Variants in EPHA5 observed in about 807,000 individuals in gnomAD.
EPHA5 encodes ephrin type-A receptor 5.
EPHA5 carries 60 observed loss-of-function variants against 105.0 expected under a neutral mutation model. The observed-to-expected ratio is 0.57, with a 90% confidence interval of 0.46 to 0.71. The LOEUF (loss-of-function observed/expected upper bound fraction) is 0.71, where lower values mean the gene tolerates loss of function less well. EPHA5 is among the 30% of genes least tolerant of loss of function. The pLI is 0.00. For missense variants in EPHA5, 1,218 were observed against 1,274.7 expected (o/e 0.96, Z 0.68); for synonymous variants, 513 against 449.1 (o/e 1.14, Z -1.80).
At chr4:65,507,753 A>G (rs1733201518) in intron 3 of EPHA5, among the ~76,000 whole-genome samples, 1 of 152,130 alleles carries the variant, frequency 6.6e-6, no homozygotes, top group Non-Finnish European at 1.5e-5. Flanking sequence ...TATCAGCTTA[A>G]GGAGATTTTG....
At chr4:65,612,294 A>C (rs1290385655) in intron 2 of EPHA5, among the ~76,000 whole-genome samples, 1 of 152,086 alleles carries the variant, frequency 6.6e-6, no homozygotes, top group African/African-American at 2.4e-5. Flanking sequence ...ATTGTGGCCC[A>C]TTAAGTAATT....
At chr4:65,577,842 C>A (rs1385750893) in intron 3 of EPHA5, among the ~76,000 whole-genome samples, 2 of 152,118 alleles carry the variant, frequency 1.3e-5, no homozygotes, top group South Asian at 2.1e-4. Flanking sequence ...AACTAAGGTG[C>A]CTTTACAAAT....
At chr4:65,654,728 T>TAA (rs971601327) in intron 1 of EPHA5, among the ~76,000 whole-genome samples, 1 of 147,344 alleles carries the variant, frequency 6.8e-6, no homozygotes, top group Non-Finnish European at 1.5e-5. Context: ...TTTTTATATA[T>TAA]AACTATCTAA....
chr4:65,440,795 G>C (rs886984734), intron 5 of EPHA5, among the ~76,000 whole-genome samples: 1 of 151,956 alleles, frequency 6.6e-6, no homozygotes, highest in African/African-American at 2.4e-5. Context: ...AAGAGGAAAA[G>C]CCTTGTCTCC....
intron 3 of EPHA5, among the ~76,000 whole-genome samples, chr4:65,543,966 A>G (rs1737115186): frequency 6.6e-6 from 1 of 152,126 alleles, no homozygotes; most frequent in African/African-American, 2.4e-5. Flanking sequence ...AAACACAAGC[A>G]ATGGGGAAAG....
At chr4:65,349,266 A>G (rs1056192495) in intron 13 of EPHA5, among the ~76,000 whole-genome samples, 1 of 152,136 alleles carries the variant, frequency 6.6e-6, no homozygotes, top group Admixed American at 6.5e-5. Flanking sequence ...ACTAAACCAA[A>G]TTAAAAATTA....
At chr4:65,406,077 C>T (rs1342629371) in intron 7 of EPHA5, among the ~76,000 whole-genome samples, 3 of 152,080 alleles carry the variant, frequency 2.0e-5, no homozygotes, top group Non-Finnish European at 4.4e-5. Context: ...GTGTATTAAT[C>T]CATTCCCACT....
intron 5 of EPHA5, among the ~76,000 whole-genome samples, chr4:65,438,447 T>C (rs1049003305): frequency 1.1e-4 from 17 of 151,934 alleles, no homozygotes; most frequent in African/African-American, 4.1e-4. Flanking sequence ...TCCATATATA[T>C]ATACATTCAT....
intron 3 of EPHA5, among the ~76,000 whole-genome samples, chr4:65,582,701 AG>A (rs1209404761): frequency 6.6e-6 from 1 of 151,700 alleles, no homozygotes; most frequent in African/African-American, 2.4e-5. Flanking sequence ...ACTTACTTGC[AG>A]CTGTGTTGTG....
chr4:65,573,486 G>A (rs971927713), intron 3 of EPHA5: 1 of 1,551,872 alleles, frequency 6.4e-7, no homozygotes, highest in African/African-American at 1.4e-5. Flanking sequence ...TTAGAAGCCA[G>A]ATACTAAAGA....
intron 5 of EPHA5, among the ~76,000 whole-genome samples, chr4:65,463,351 A>G (rs533085298): frequency 2.0e-5 from 3 of 152,282 alleles, no homozygotes; most frequent in South Asian, 2.1e-4. Flanking sequence ...GGTTTCTATG[A>G]TATCAGTGAA....
At chr4:65,464,363 T>C (rs908769233) in intron 5 of EPHA5, among the ~76,000 whole-genome samples, 2 of 152,040 alleles carry the variant, frequency 1.3e-5, no homozygotes, top group African/African-American at 4.8e-5. Context: ...AAGAAGAAGA[T>C]ATGTGATACT....
intron 8 of EPHA5, among the ~76,000 whole-genome samples, chr4:65,388,425 G>T (rs1468782106): frequency 6.6e-6 from 1 of 151,066 alleles, no homozygotes; most frequent in Non-Finnish European, 1.5e-5. Context: ...CTAGTTTACA[G>T]TCCCACCAAC....
chr4:65,395,707 A>G (rs1255632448), intron 8 of EPHA5, among the ~76,000 whole-genome samples: 2 of 152,248 alleles, frequency 1.3e-5, no homozygotes, highest in Non-Finnish European at 2.9e-5. Context: ...CAGGTACATG[A>G]TTTGAACATG....
intron 5 of EPHA5, among the ~76,000 whole-genome samples, chr4:65,437,891 T>C (rs1725632721): frequency 6.6e-6 from 1 of 151,964 alleles, no homozygotes. Context: ...AATCATGAAT[T>C]TACATAGTTA....
chr4:65,362,176 TG>T (rs1235858767), intron 11 of EPHA5, among the ~76,000 whole-genome samples: 1 of 151,564 alleles, frequency 6.6e-6, no homozygotes, highest in African/African-American at 2.4e-5. Context: ...CTCAAGCTTC[TG>T]GCATGTGATA....
At chr4:65,568,534 A>T (rs958775984) in intron 3 of EPHA5, among the ~76,000 whole-genome samples, 1 of 151,142 alleles carries the variant, frequency 6.6e-6, no homozygotes, top group African/African-American at 2.4e-5. Context: ...AATTAACAAC[A>T]ACGCATCCCT....
chr4:65,623,428 C>T (rs1411682509), intron 2 of EPHA5, among the ~76,000 whole-genome samples: 1 of 151,922 alleles, frequency 6.6e-6, no homozygotes, highest in Admixed American at 6.6e-5. Context: ...GGAGACACAA[C>T]ATTGAAAAAG....
At chr4:65,385,654 A>C (rs1220643244) in intron 8 of EPHA5, among the ~76,000 whole-genome samples, 2 of 151,862 alleles carry the variant, frequency 1.3e-5, no homozygotes, top group Admixed American at 6.6e-5. Context: ...ATAAATGTGA[A>C]ATATTTAATA....
Sources: allele counts gnomAD v4.1 joint callset (sites outside exome capture counted in the v4.1 genomes callset), GRCh38; gene constraint gnomAD v4.1.1; transcripts MANE v1.5; gene names NCBI Gene and HGNC (gene_info 2026-07-23, HGNC 2026-07-21).